The following ADGRB3 variants were observed in gnomAD, a reference collection of about 807,000 sequenced individuals.
ADGRB3 encodes the protein brain-specific angiogenesis inhibitor 3.
ADGRB3 carries 37 observed loss-of-function variants against 193.4 expected under a neutral mutation model. The observed-to-expected ratio is 0.19, with a 90% CI of 0.15 to 0.25. The LOEUF (loss-of-function observed/expected upper bound fraction) is 0.25, where lower values mean the gene tolerates loss of function less well. Ranked by LOEUF, ADGRB3 falls within the 10% of genes least tolerant of loss-of-function variation. The pLI is 1.00. For missense variants in ADGRB3, 1,637 were observed against 1,852.9 expected (o/e 0.88, Z 2.14); for synonymous variants, 690 against 644.2 (o/e 1.07, Z -1.08).
In ADGRB3 at chr6:69,254,677, T is replaced by A. The variant is rs543369209; in HGVS notation, c.2814+15451T>A. Among the ~76,000 whole-genome samples the A allele has an allele frequency of 1.5e-4, 23 of 152,110 alleles. No individual in the cohort carries two copies. The South Asian group carries it at 3.7e-3, about 25-fold the overall frequency. ...TCCTTATTCAATTAGAACTGATTTT[T>A]AAAAAATGCCTTTGTATTTCTTTTT... is the stretch of plus-strand genomic sequence containing the variant. On this transcript the variant is annotated intron_variant, in intron 20 of 31. Transcript: ENST00000370598.
At position 69,338,848 on chromosome 6, in the gene ADGRB3, A is replaced by G; in HGVS notation, c.3189-68A>G. ...AAATCGTATTTAAAAGCTAACTTGA[A>G]GCAGCAATTTTTTTTTGGTGACAAT... On this transcript the variant is annotated intron_variant, in intron 24 of 31. Coordinates refer to ENST00000370598, the MANE Select transcript of ADGRB3 (RefSeq NM_001704.3). 10 of 1,392,312 alleles carry G rather than the reference A, an allele frequency of 7.2e-6. No homozygotes were observed. The Admixed American group carries it at 1.9e-4, about 26-fold the overall frequency. 86.2% of individuals were successfully genotyped at this position (1,392,312 alleles called of 1,614,324 possible). A position where few individuals can be genotyped will look rare whatever the true frequency, so the allele number is the denominator to read the frequency against.
intron 8 of ADGRB3, among the ~76,000 whole-genome samples, chr6:68,963,599 C>G (rs1187579340): frequency 6.6e-6 from 1 of 152,046 alleles, no homozygotes; most frequent in East Asian, 1.9e-4. Context: ...CAGATGCAGC[C>G]TCTGGTTTCT....
At chr6:68,694,710 G>T (rs1008056835) in intron 3 of ADGRB3, among the ~76,000 whole-genome samples, 1 of 151,910 alleles carries the variant, frequency 6.6e-6, no homozygotes, top group Admixed American at 6.6e-5. Context: ...TTAGGAAAAG[G>T]AAATGAGTAT....
intron 3 of ADGRB3, among the ~76,000 whole-genome samples, chr6:68,863,265 A>T (rs1269146988): frequency 6.6e-6 from 1 of 152,032 alleles, no homozygotes; most frequent in Non-Finnish European, 1.5e-5. Flanking sequence ...TCCTGAGTAC[A>T]GACAAAAGAA....
At chr6:69,203,692 A>G (rs759541825) in intron 17 of ADGRB3, among the ~76,000 whole-genome samples, 1 of 152,062 alleles carries the variant, frequency 6.6e-6, no homozygotes, top group Non-Finnish European at 1.5e-5. Flanking sequence ...TGTAACATCT[A>G]CTTACTCTCA....
intron 17 of ADGRB3, among the ~76,000 whole-genome samples, chr6:69,200,425 G>A (rs1404708386): frequency 6.6e-6 from 1 of 152,046 alleles, no homozygotes; most frequent in African/African-American, 2.4e-5. Context: ...AACCCACATT[G>A]ACAGATAAAG....
chr6:68,651,454 G>T (rs2127281063), intron 3 of ADGRB3, among the ~76,000 whole-genome samples: 1 of 152,108 alleles, frequency 6.6e-6, no homozygotes, highest in African/African-American at 2.4e-5. Context: ...TCATACTTTG[G>T]TGTTCAATTG....
chr6:69,348,024 C>A (rs1357967376), intron 26 of ADGRB3, among the ~76,000 whole-genome samples: 2 of 152,118 alleles, frequency 1.3e-5, no homozygotes, highest in African/African-American at 4.8e-5. Flanking sequence ...AATGTAAATT[C>A]TAATTCTCCT....
At chr6:68,798,496 A>G (rs980564054) in intron 3 of ADGRB3, among the ~76,000 whole-genome samples, 1 of 147,110 alleles carries the variant, frequency 6.8e-6, no homozygotes, top group Non-Finnish European at 1.5e-5. Context: ...GAACACATGG[A>G]CACAGGGAGG....
chr6:68,910,403 T>C (rs1233868766), intron 3 of ADGRB3, among the ~76,000 whole-genome samples: 3 of 152,174 alleles, frequency 2.0e-5, no homozygotes, highest in African/African-American at 7.2e-5. Flanking sequence ...AGAAGCTCTT[T>C]AGTTTAATTA....
chr6:69,068,074 G>A (rs1487767257), intron 16 of ADGRB3, among the ~76,000 whole-genome samples: 2 of 152,112 alleles, frequency 1.3e-5, no homozygotes, highest in African/African-American at 4.8e-5. Flanking sequence ...AGGTGTGGCT[G>A]TATTTCAATA....
chr6:68,689,428 A>T (rs1019617652), intron 3 of ADGRB3, among the ~76,000 whole-genome samples: 5 of 152,182 alleles, frequency 3.3e-5, no homozygotes, highest in African/African-American at 9.6e-5. Context: ...AGAGAATGGC[A>T]GACCGCAAAT....
intron 3 of ADGRB3, among the ~76,000 whole-genome samples, chr6:68,870,880 C>T (rs1765436481): frequency 2.0e-5 from 3 of 152,140 alleles, no homozygotes; most frequent in Admixed American, 2.0e-4. Flanking sequence ...GTTATTAAAC[C>T]ACTCTTTAGA....
At chr6:69,088,185 A>C (rs1304080763) in intron 17 of ADGRB3, among the ~76,000 whole-genome samples, 3 of 152,108 alleles carry the variant, frequency 2.0e-5, no homozygotes, top group African/African-American at 7.2e-5. Context: ...ATTGAAATGG[A>C]ATGAAGTTTT....
chr6:68,860,517 T>G (rs536593964), intron 3 of ADGRB3, among the ~76,000 whole-genome samples: 1 of 152,208 alleles, frequency 6.6e-6, no homozygotes, highest in Non-Finnish European at 1.5e-5. Context: ...TTATTTCACT[T>G]AGGATAATGG....
At position 69,114,000 on chromosome 6, in the gene ADGRB3, G is replaced by A. The variant is rs571939910; in HGVS notation, c.2480+37962G>A. Among the ~76,000 whole-genome samples the A allele has an allele frequency of 2.6e-5, 4 of 152,290 alleles. No individual in the cohort carries two copies. The South Asian group carries it at 8.3e-4, about 32-fold the overall frequency. On this transcript the variant is annotated intron_variant, in intron 17 of 31. Transcript: ENST00000370598. ...ATTACTAAGATGTAAGTCCTGCAGA[G>A]TTTTGGTGCCCAGGACAATGAATGG...
chr6:69,026,806 G>A (rs578225536), intron 13 of ADGRB3, among the ~76,000 whole-genome samples: 19 of 152,214 alleles, frequency 1.2e-4, no homozygotes, highest in South Asian at 4.1e-4. Context: ...GTGCCTAAAC[G>A]TAGATAAGCT....
At chr6:69,129,312 G>T (rs1773939872) in intron 17 of ADGRB3, among the ~76,000 whole-genome samples, 1 of 152,040 alleles carries the variant, frequency 6.6e-6, no homozygotes, top group African/African-American at 2.4e-5. Context: ...ATGCACTGGA[G>T]CTTTTTAAAA....
chr6:68,925,917 C>A (rs540439562), intron 3 of ADGRB3, among the ~76,000 whole-genome samples: 2 of 151,966 alleles, frequency 1.3e-5, no homozygotes, highest in African/African-American at 4.8e-5. Flanking sequence ...TGTTTCAGGA[C>A]AGTGACACTT....
Sources: gnomAD v4.1 joint callset for allele counts (sites outside exome capture counted in the v4.1 genomes callset) on GRCh38, gnomAD v4.1.1 for gene constraint, MANE v1.5 for transcripts, NCBI Gene and HGNC (gene_info 2026-07-23, HGNC 2026-07-21) for gene names.